Variants in RHOT1 observed in about 807,000 individuals in gnomAD.
RHOT1 encodes the protein mitochondrial Rho GTPase 1.
A neutral mutation model predicts 95.3 loss-of-function variants in RHOT1; 27 were observed. The observed-to-expected ratio is 0.28, with a 90% CI of 0.21 to 0.39. The LOEUF (loss-of-function observed/expected upper bound fraction) is 0.39, where lower values mean the gene tolerates loss of function less well. Among genes scored for constraint, RHOT1 ranks in the 10% least tolerant of loss-of-function variants. The pLI, the probability that RHOT1 is intolerant of heterozygous loss-of-function variation, is 1.00. For missense variants in RHOT1, 578 were observed against 786.7 expected (o/e 0.73, Z 3.17); for synonymous variants, 227 against 263.5 (o/e 0.86, Z 1.34).
At chr17:32,212,785 G>A (rs2038216659) in intron 19 of RHOT1, among the ~76,000 whole-genome samples, 2 of 151,846 alleles carry the variant, frequency 1.3e-5, no homozygotes, top group Admixed American at 1.3e-4. Flanking sequence ...AATCCTTCAG[G>A]CATTTGAAGA....
intron 1 of RHOT1, among the ~76,000 whole-genome samples, chr17:32,165,032 A>C (rs974333708): frequency 6.6e-6 from 1 of 151,876 alleles, no homozygotes; most frequent in African/African-American, 2.4e-5. Context: ...ACAAAAAAAC[A>C]AAACAAAACA....
At position 32,154,922 on chromosome 17, in the gene RHOT1, G is replaced by A. The variant is rs141525079; in HGVS notation, c.37+12193G>A. 9.2e-4 allele frequency among the ~76,000 whole-genome samples: 139 copies of A among 151,614 alleles called. 3 individuals are homozygous for A. The South Asian group carries it at 0.012, about 13-fold the overall frequency. ...AAAAAAAAAAAATTAGCTGAGTGAT[G>A]GAGTGGTAATTAGCTGAGTGACGGA... On this transcript the variant is annotated intron_variant, in intron 1 of 19. Transcript: ENST00000545287.
Position 32,182,767 on chromosome 17 carries a change from A to G in RHOT1, c.340A>G (p.Ile114Val), listed in dbSNP as rs969444127. 2.3e-5 allele frequency: 37 copies of G among 1,589,616 alleles called. No individual in the cohort carries two copies. Among genetic ancestry groups the G allele is most frequent in the Non-Finnish European group, 3.1e-5 (36 of 1,165,398 alleles). ...RTDKDSRLPL[I>V]LVGNKSDLVE... ...CCCTGTTTATTTTAGGCTGCCTTTA[A>G]TATTGGTTGGGAACAAATCTGATCT... The change falls in exon 7 of 20, where the codon ATA becomes GTA. Residue 114 changes from isoleucine to valine, a missense_variant. Physicochemically the swap from Ile to Val is conservative, Grantham distance 29. This residue lies in a region of RHOT1 where 227 missense variants were observed against 316.0 expected (regional missense o/e 0.72). Coordinates refer to ENST00000545287, the MANE Select transcript of RHOT1 (RefSeq NM_001033566.3).
chr17:32,223,770 A>G (rs1257261871), intron 19 of RHOT1, among the ~76,000 whole-genome samples: 1 of 152,180 alleles, frequency 6.6e-6, no homozygotes, highest in Non-Finnish European at 1.5e-5. Flanking sequence ...CTAAGACTTC[A>G]GTGACATTTA....
rs1240569189 is a variant in RHOT1 at position 32,198,962 on chromosome 17, T to A, written c.885T>A (p.Pro295=). The change falls in exon 12 of 20, where the codon CCT becomes CCA. Residue 295 remains proline, a synonymous_variant. Transcript: ENST00000545287. The stretch of plus-strand genomic sequence containing the variant: ...TTTTCAACAGGCTGAAAATACCTCC[T>A]GATTGCACTACTGAATTAAATCATC... ...EYLFPLLKIP[P]DCTTELNHHA... The A allele has an allele frequency of 6.2e-7, 1 of 1,607,530 alleles. No homozygotes were observed. Among genetic ancestry groups the A allele is most frequent in the Non-Finnish European group, 8.5e-7 (1 of 1,175,434 alleles).
At position 32,202,810 on chromosome 17, in the gene RHOT1, TC is replaced by T; in HGVS notation, c.1243del (p.Gln415LysfsTer9). The T allele has an allele frequency of 6.2e-7, 1 of 1,607,682 alleles. No individual in the cohort carries two copies. ...AGATAGACCTGCAGAAAAAACAAACTCAAAGAAATGTGTTCAGATGTAATGT... is the reference window on the plus strand; with the variant it reads ...AGATAGACCTGCAGAAAAAACAAACTAAAGAAATGTGTTCAGATGTAATGT... ...KKIDLQKKQT[Q>X]RNVFRCNVIG... On this transcript the variant is annotated frameshift_variant, in exon 15 of 20. Coordinates refer to ENST00000545287, the MANE Select transcript of RHOT1 (RefSeq NM_001033566.3). LOFTEE classifies it high-confidence loss of function.
chr17:32,212,390 C>G (rs547849616), intron 19 of RHOT1, among the ~76,000 whole-genome samples: 1 of 152,192 alleles, frequency 6.6e-6, no homozygotes, highest in Non-Finnish European at 1.5e-5. Context: ...AAGGGATCAC[C>G]GCACCCATTT....
intron 8 of RHOT1, among the ~76,000 whole-genome samples, chr17:32,186,953 G>A (rs777895380): frequency 1.4e-4 from 21 of 151,978 alleles, no homozygotes; most frequent in Non-Finnish European, 2.9e-4. Flanking sequence ...TTTTAGTTGG[G>A]TTGTCTTTTT....
intron 1 of RHOT1, among the ~76,000 whole-genome samples, chr17:32,149,615 A>ATGTGTGTGTGTGTGTGTG (rs1272063309): frequency 3.6e-5 from 3 of 84,104 alleles, no homozygotes; most frequent in African/African-American, 1.3e-4. Flanking sequence ...ATATATATAT[A>ATGTGTGTGTGTGTGTGTG]TATATATATA....
intron 9 of RHOT1, among the ~76,000 whole-genome samples, chr17:32,192,764 C>T (rs1005319559): frequency 5.9e-5 from 9 of 151,762 alleles, no homozygotes; most frequent in East Asian, 1.9e-4. Flanking sequence ...CTCCGCTGCC[C>T]GGGTTCAAGC....
intron 16 of RHOT1, 52 bp downstream of exon 16, chr17:32,204,025 A>G: frequency 7.9e-7 from 1 of 1,272,168 alleles, no homozygotes; most frequent in Non-Finnish European, 1.1e-6. Flanking sequence ...TACATTTTTA[A>G]ATGACTCTTT....
intron 1 of RHOT1, among the ~76,000 whole-genome samples, chr17:32,167,030 G>A (rs531539133): frequency 9.2e-5 from 14 of 152,280 alleles, no homozygotes; most frequent in African/African-American, 1.4e-4. Context: ...AATGTAAATA[G>A]TAAGCCTAAA....
At chr17:32,168,241 GCACA>G (rs140835442) in intron 1 of RHOT1, among the ~76,000 whole-genome samples, 2 of 150,700 alleles carry the variant, frequency 1.3e-5, no homozygotes, top group African/African-American at 4.9e-5. Context: ...GTTATGTCAT[GCACA>G]CACACACACA....
chr17:32,176,011 A>G lies in RHOT1; in HGVS notation c.272A>G (p.Asp91Gly). 1 of 1,604,988 alleles carries G rather than the reference A, an allele frequency of 6.2e-7. No individual in the cohort carries two copies. Among genetic ancestry groups the G allele is most frequent in the South Asian group, 1.1e-5 (1 of 89,010 alleles). ...GCCGTTAACAACAAGCATTCTATTG[A>G]TAAGGTAGGTGTGATCTTTTTTTCC... ...VYAVNNKHSI[D>G]KVTSRWIPLI... Residue 91 changes from aspartate (D) to glycine (G), a missense_variant, in exon 5 of 20, where the codon GAT becomes GGT. Physicochemically the swap from Asp to Gly is moderately conservative, Grantham distance 94. Around this residue, in one of 4 missense-constraint regions of RHOT1, gnomAD observed 51 missense variants for 114.7 expected, o/e 0.44. Coordinates refer to ENST00000545287, the MANE Select transcript of RHOT1 (RefSeq NM_001033566.3).
chr17:32,223,109 T>C (rs1029174663), intron 19 of RHOT1, among the ~76,000 whole-genome samples: 2 of 151,116 alleles, frequency 1.3e-5, no homozygotes, highest in Non-Finnish European at 2.9e-5. Flanking sequence ...CTGGTGAGGG[T>C]GAGAATTGGA....
At chr17:32,149,196 T>C (rs1391666071) in intron 1 of RHOT1, among the ~76,000 whole-genome samples, 2 of 152,092 alleles carry the variant, frequency 1.3e-5, no homozygotes, top group Non-Finnish European at 2.9e-5. Flanking sequence ...TTGTATCAAA[T>C]GTATTTATAT....
intron 9 of RHOT1, 147 bp downstream of exon 9, chr17:32,192,446 C>G (rs2036560604): frequency 3.3e-6 from 2 of 612,580 alleles, no homozygotes; most frequent in Non-Finnish European, 5.7e-6. Flanking sequence ...TCACATCAAC[C>G]TATATATGCC....
At position 32,181,495 on chromosome 17, in the gene RHOT1, G is replaced by T. The variant is rs188835885; in HGVS notation, c.330-1262G>T. Among the ~76,000 whole-genome samples the T allele has an allele frequency of 1.4e-3, 210 of 152,022 alleles. 1 individual carries two copies. The highest frequency in any genetic ancestry group is 0.01 in the Middle Eastern group (3 of 294). On this transcript the variant is annotated intron_variant, in intron 6 of 19. Coordinates refer to ENST00000545287, the MANE Select transcript of RHOT1 (RefSeq NM_001033566.3). ...TTTCCTTTTCATCTTTACTGTCACT[G>T]TCACTAGTCCAAGTTACTATTATAT...
intron 8 of RHOT1, among the ~76,000 whole-genome samples, chr17:32,185,154 A>G (rs1302481905): frequency 6.6e-6 from 1 of 152,006 alleles, no homozygotes; most frequent in East Asian, 1.9e-4. Context: ...CTTGTTGCCC[A>G]GGCTGGAGTG....
Sources: gnomAD v4.1 joint callset for allele counts (sites outside exome capture counted in the v4.1 genomes callset) on GRCh38, gnomAD v4.1.1 for gene constraint, gnomAD v4.1.1 regional missense constraint, MANE v1.5 for transcripts, NCBI Gene and HGNC (gene_info 2026-07-23, HGNC 2026-07-21) for gene names.